MACF1: variants seen among roughly 807,000 people sequenced by gnomAD.
The protein encoded by MACF1 is microtubule actin crosslinking factor 1.
A neutral mutation model predicts 854.8 loss-of-function variants in MACF1; 193 were observed. The observed-to-expected ratio is 0.23, with a 90% confidence interval of 0.20 to 0.25. The LOEUF is 0.25. Ranked by LOEUF, MACF1 falls within the 10% of genes least tolerant of loss-of-function variation. The pLI is 1.00. For missense variants in MACF1, 7,722 were observed against 8,929.1 expected, an observed-to-expected ratio of 0.86 and a Z score of 5.45; for synonymous variants, 3,185 against 3,226.7, an observed-to-expected ratio of 0.99 and a Z score of 0.44.
At chr1:39,325,187 A>G (rs1450964053) in intron 35 of MACF1, among the ~76,000 whole-genome samples, 2 of 152,262 alleles carry the variant, frequency 1.3e-5, no homozygotes, top group African/African-American at 4.8e-5. Flanking sequence ...ATTACTCAAA[A>G]GGGCTTTTTG....
At chr1:39,447,358 T>A in intron 80 of MACF1, 74 bp from the exon 81 acceptor site, 1 of 1,433,606 alleles carries the variant, frequency 7.0e-7, no homozygotes, top group Non-Finnish European at 9.7e-7. Context: ...AATTCATGCC[T>A]TTGTCGCTGA....
chr1:39,321,457 A>T (rs1326539643), intron 31 of MACF1, among the ~76,000 whole-genome samples: 1 of 152,076 alleles, frequency 6.6e-6, no homozygotes. Flanking sequence ...TTTTCCTTCT[A>T]CCCGGAGTTT....
chr1:39,150,016 G>A (rs1643544124), intron 2 of MACF1, among the ~76,000 whole-genome samples: 1 of 151,856 alleles, frequency 6.6e-6, no homozygotes, highest in African/African-American at 2.4e-5. Flanking sequence ...TAGAACCTGG[G>A]ACTATATCAT....
chr1:39,198,385 G>A (rs1296789451), intron 2 of MACF1, among the ~76,000 whole-genome samples: 1 of 151,418 alleles, frequency 6.6e-6, no homozygotes, highest in Non-Finnish European at 1.5e-5. Context: ...GGGCGCGGTG[G>A]CTCACTCCTG....
At position 39,295,037 on chromosome 1, in the gene MACF1, C is replaced by T; in HGVS notation, c.2155-9C>T. 1 of 1,603,094 alleles carries T rather than the reference C, an allele frequency of 6.2e-7. No individual in the cohort carries two copies. Among genetic ancestry groups the T allele is most frequent in the Non-Finnish European group, 8.5e-7 (1 of 1,170,118 alleles). Reference sequence around the variant, plus strand: ...GTGCTTATGCTGTAAAATTGAATTCCATTTTCAGGAGTTGACAATGGAACT... The same window carrying T: ...GTGCTTATGCTGTAAAATTGAATTCTATTTTCAGGAGTTGACAATGGAACT... On this transcript the variant is annotated splice_polypyrimidine_tract_variant and intron_variant, in intron 18 of 100. Transcript: ENST00000564288.
At position 39,333,729 on chromosome 1, in the gene MACF1, C is replaced by T. The variant is rs374323559; in HGVS notation, c.7141C>T (p.Leu2381=). ...TGTCTTAGACCCCCGTACCCAGACA[C>T]TGTGCTCTGTAAAGGATGCAGTTAC... is the stretch of plus-strand genomic sequence containing the variant. The part of the protein sequence containing the change: ...SGVLDPRTQT[L]CSVKDAVTVG... Residue 2381 remains leucine (L), a synonymous_variant, in exon 37 of 101, where the codon CTG becomes TTG. Transcript: ENST00000564288. The T allele has an allele frequency of 5.6e-6, 9 of 1,614,190 alleles. No homozygotes were observed. The highest frequency in any genetic ancestry group is 7.6e-6 in the Non-Finnish European group (9 of 1,180,036).
At chr1:39,342,796 A>G (rs1298587290) in intron 40 of MACF1, among the ~76,000 whole-genome samples, 3 of 152,308 alleles carry the variant, frequency 2.0e-5, no homozygotes, top group East Asian at 1.9e-4. Context: ...CTGGGATTAC[A>G]GACATGAGCC....
rs767865612 is a variant in MACF1 at position 39,335,616 on chromosome 1, G to C, written c.9028G>C (p.Asp3010His). The C allele has an allele frequency of 1.9e-6, 3 of 1,613,982 alleles. No individual in the cohort carries two copies. The highest frequency in any genetic ancestry group is 2.5e-6 in the Non-Finnish European group (3 of 1,180,008). ...YQETAIRDEH[D>H]SHIKSQPREM... ...GGAAACTGCCATTAGAGATGAGCAT[G>C]ACTCCCATATAAAGAGCCAACCTAG... Residue 3010 changes from aspartate to histidine, a missense_variant, in exon 37 of 101, where the codon GAC (aspartate) becomes CAC (histidine). Coordinates refer to ENST00000564288, the MANE Select transcript of MACF1 (RefSeq NM_001394062.1).
chr1:39,410,220 G>GA, intron 58 of MACF1: 3 of 1,443,918 alleles, frequency 2.1e-6, no homozygotes, highest in Non-Finnish European at 2.8e-6. Flanking sequence ...GGGAACCTGT[G>GA]AAAAATACTT....
intron 2 of MACF1, among the ~76,000 whole-genome samples, chr1:39,120,723 A>G (rs1006309005): frequency 9.9e-5 from 15 of 152,222 alleles, no homozygotes; most frequent in Non-Finnish European, 1.6e-4. Flanking sequence ...TAATAGGTGT[A>G]TGTATTTATG....
At chr1:39,091,374 G>A (rs1425960654) in intron 2 of MACF1, among the ~76,000 whole-genome samples, 1 of 152,164 alleles carries the variant, frequency 6.6e-6, no homozygotes, top group Non-Finnish European at 1.5e-5. Flanking sequence ...TCACTTCATT[G>A]AGCCTCAGTT....
At chr1:39,363,586 C>CTCTTTCTT (rs145803766) in intron 49 of MACF1, among the ~76,000 whole-genome samples, 21,498 of 142,964 alleles carry the variant, frequency 0.15, 2,071 homozygotes, top group Non-Finnish European at 0.21. Context: ...ATCAACAAGA[C>CTCTTTCTT]TCTTTCTTTC....
chr1:39,177,751 C>CA (rs1458249295), intron 2 of MACF1, among the ~76,000 whole-genome samples: 1 of 152,054 alleles, frequency 6.6e-6, no homozygotes, highest in African/African-American at 2.4e-5. Context: ...GGCACTATTT[C>CA]CTTTGCCATC....
At position 39,484,653 on chromosome 1, in the gene MACF1, C is replaced by G; in HGVS notation, c.22334C>G (p.Ser7445Cys). 1 of 1,614,080 alleles carries G rather than the reference C, an allele frequency of 6.2e-7. No individual in the cohort carries two copies. The highest frequency in any genetic ancestry group is 8.5e-7 in the Non-Finnish European group (1 of 1,179,930). Residue 7445 changes from serine to cysteine, a missense_variant, in exon 100 of 101, where the codon TCT becomes TGT. This residue lies in a region of MACF1 where 185 missense variants were observed against 225.7 expected (regional missense o/e 0.82). Coordinates refer to ENST00000564288, the MANE Select transcript of MACF1 (RefSeq NM_001394062.1). Reference sequence around the variant, plus strand: ...AAACGACCAACACCAACTTTTCATTCTAGTCGGACATCCCTTGCTGGTGAT... The same window carrying G: ...AAACGACCAACACCAACTTTTCATTGTAGTCGGACATCCCTTGCTGGTGAT... ...KLKRPTPTFH[S>C]SRTSLAGDTS... is the part of the protein sequence containing the mutation.
chr1:39,087,994 C>T lies in MACF1; in HGVS notation c.220+3556C>T, dbSNP rs559359917. On this transcript the variant is annotated intron_variant, in intron 2 of 93. Transcript: ENST00000361689. Reference sequence around the variant, plus strand: ...CTTTTTTTTTTTGGAGATGGAGTCTCGCTGTCGCCCAGGCTGGAGTGCAGT... The same window carrying T: ...CTTTTTTTTTTTGGAGATGGAGTCTTGCTGTCGCCCAGGCTGGAGTGCAGT... 2.6e-4 allele frequency among the ~76,000 whole-genome samples: 39 copies of T among 151,234 alleles called. No homozygotes were observed. In the East Asian group the frequency reaches 3.5e-3, roughly 14 times the overall value.
At chr1:39,180,430 A>G (rs1644089444) in intron 2 of MACF1, among the ~76,000 whole-genome samples, 1 of 152,142 alleles carries the variant, frequency 6.6e-6, no homozygotes, top group South Asian at 2.1e-4. Context: ...AGCCTGGCCA[A>G]CATGGTGAAA....
intron 2 of MACF1, among the ~76,000 whole-genome samples, chr1:39,148,742 G>A (rs1643514832): frequency 6.6e-6 from 1 of 152,142 alleles, no homozygotes; most frequent in African/African-American, 2.4e-5. Flanking sequence ...TATGAACAAT[G>A]AGATCAATAT....
At chr1:39,321,206 C>T (rs1400866375) in intron 31 of MACF1, among the ~76,000 whole-genome samples, 1 of 152,064 alleles carries the variant, frequency 6.6e-6, no homozygotes, top group African/African-American at 2.4e-5. Context: ...GAGTTCAAAC[C>T]CTTCACCATT....
intron 6 of MACF1, among the ~76,000 whole-genome samples, chr1:39,263,764 CTTTTTTCTTTTTTTTTTTT>C (rs1486522200): frequency 1.0e-5 from 1 of 96,020 alleles, no homozygotes; most frequent in African/African-American, 4.0e-5. Context: ...CATCTTTTTT[CTTTTTTCTTTTTTTTTTTT>C]TTTTTTTTGA....
Sources: gnomAD v4.1 joint callset for allele counts (sites outside exome capture counted in the v4.1 genomes callset) on GRCh38, gnomAD v4.1.1 for gene constraint, gnomAD v4.1.1 regional missense constraint, MANE v1.5 for transcripts, NCBI Gene and HGNC (gene_info 2026-07-23, HGNC 2026-07-21) for gene names.